RCOR1: variants seen among roughly 807,000 people sequenced by gnomAD.
The protein encoded by RCOR1 is REST corepressor.
RCOR1 carries 12 observed loss-of-function variants against 64.0 expected under a neutral mutation model. The observed-to-expected ratio is 0.19, with a 90% CI of 0.12 to 0.30. The LOEUF (loss-of-function observed/expected upper bound fraction) is 0.30. Among genes scored for constraint, RCOR1 ranks in the 10% least tolerant of loss-of-function variants. RCOR1 has a pLI of 1.00. For synonymous variants in RCOR1, 279 were observed against 227.2 expected, an observed-to-expected ratio of 1.23 and a Z score of -2.05; for missense variants, 502 against 621.2, an observed-to-expected ratio of 0.81 and a Z score of 2.04.
chr14:102,616,206 A>ATGTGTGTGTG (rs56991991), intron 2 of RCOR1, among the ~76,000 whole-genome samples: 9 of 149,264 alleles, frequency 6.0e-5, no homozygotes, highest in South Asian at 2.1e-4. Context: ...ACATGTGTAT[A>ATGTGTGTGTG]TGTGTGTGTG....
At chr14:102,602,398 T>G (rs1293498103) in intron 2 of RCOR1, among the ~76,000 whole-genome samples, 10 of 24,250 alleles carry the variant, frequency 4.1e-4, no homozygotes, top group Non-Finnish European at 1.1e-3. Flanking sequence ...TCTTTTCTTT[T>G]TTTTTTTTTT....
chr14:102,639,267 T>C (rs903447823), intron 2 of RCOR1, among the ~76,000 whole-genome samples: 1 of 58,428 alleles, frequency 1.7e-5, no homozygotes, highest in Non-Finnish European at 3.7e-5. Context: ...TTTCTTTCTT[T>C]TTTTTTTTTT....
intron 2 of RCOR1, among the ~76,000 whole-genome samples, chr14:102,638,071 G>A (rs547093288): frequency 6.6e-6 from 1 of 152,320 alleles, no homozygotes; most frequent in Non-Finnish European, 1.5e-5. Flanking sequence ...GATTTACCAT[G>A]TAAATGTGTT....
chr14:102,714,279 A>G, intron 7 of RCOR1, 144 bp from the exon 8 acceptor site: 1 of 504,866 alleles, frequency 2.0e-6, no homozygotes, highest in Non-Finnish European at 3.5e-6. Context: ...ACTGCCTGTT[A>G]GAATTTATAG....
At chr14:102,635,658 C>A (rs1211656348) in intron 2 of RCOR1, among the ~76,000 whole-genome samples, 1 of 152,012 alleles carries the variant, frequency 6.6e-6, no homozygotes, top group East Asian at 1.9e-4. Context: ...CAAGTTGACA[C>A]ATTTTTTTTT....
chr14:102,638,660 T>TTTTTC (rs149391607), intron 2 of RCOR1, among the ~76,000 whole-genome samples: 1 of 152,038 alleles, frequency 6.6e-6, no homozygotes, highest in East Asian at 1.9e-4. Context: ...GTAGTGTTTT[T>TTTTTC]TTTTCTTTTC....
chr14:102,617,716 A>G (rs897871573), intron 2 of RCOR1, among the ~76,000 whole-genome samples: 7 of 151,470 alleles, frequency 4.6e-5, no homozygotes, highest in Non-Finnish European at 8.8e-5. Context: ...CAGGCTCCCA[A>G]GTAGCTGGGA....
chr14:102,663,306 C>T (rs1894860254), intron 2 of RCOR1, among the ~76,000 whole-genome samples: 1 of 152,216 alleles, frequency 6.6e-6, no homozygotes, highest in Non-Finnish European at 1.5e-5. Flanking sequence ...ATGTCTTTAT[C>T]AGCATTGTGA....
chr14:102,670,123 A>G (rs1195296156), intron 2 of RCOR1, among the ~76,000 whole-genome samples: 2 of 152,000 alleles, frequency 1.3e-5, no homozygotes, highest in African/African-American at 2.4e-5. Flanking sequence ...ACTAATTTTT[A>G]TATTTTTAGT....
chr14:102,608,322 C>T (rs765330406), intron 2 of RCOR1, among the ~76,000 whole-genome samples: 4 of 152,154 alleles, frequency 2.6e-5, no homozygotes, highest in Non-Finnish European at 5.9e-5. Context: ...TCATGTCTGG[C>T]TTCTATCACT....
intron 2 of RCOR1, among the ~76,000 whole-genome samples, chr14:102,673,725 C>T (rs541147973): frequency 2.0e-5 from 3 of 152,262 alleles, no homozygotes; most frequent in East Asian, 3.9e-4. Context: ...AAGTGATTCT[C>T]CTGCCTCAGC....
intron 3 of RCOR1, among the ~76,000 whole-genome samples, chr14:102,691,492 G>C (rs1895532743): frequency 6.6e-6 from 1 of 152,216 alleles, no homozygotes; most frequent in Admixed American, 6.5e-5. Flanking sequence ...CTTATTCTTT[G>C]ACTTGGGTGT....
intron 2 of RCOR1, among the ~76,000 whole-genome samples, chr14:102,667,186 G>A (rs1264874822): frequency 6.6e-6 from 1 of 152,006 alleles, no homozygotes; most frequent in Non-Finnish European, 1.5e-5. Flanking sequence ...GACAAACAGG[G>A]CAAGACCTTG....
At position 102,655,401 on chromosome 14, in the gene RCOR1, A is replaced by G. The variant is rs1377795976; in HGVS notation, c.362-26494A>G. Reference sequence around the variant, plus strand: ...TTTTCCCTTTGTGAAGCTCATTGACATTCCTTCCTCTCAATACCTTAACTA... The same window carrying G: ...TTTTCCCTTTGTGAAGCTCATTGACGTTCCTTCCTCTCAATACCTTAACTA... On this transcript the variant is annotated intron_variant, in intron 2 of 11. Coordinates refer to ENST00000262241, the MANE Select transcript of RCOR1 (RefSeq NM_015156.4). 4.1e-6 allele frequency: 4 copies of G among 984,942 alleles called. No homozygotes were observed. In the African/African-American group the frequency reaches 5.2e-5, roughly 13 times the overall value. 61.0% of individuals were successfully genotyped at this position (984,942 alleles called of 1,614,324 possible).
At chr14:102,614,804 A>G (rs1314698542) in intron 2 of RCOR1, among the ~76,000 whole-genome samples, 1 of 152,142 alleles carries the variant, frequency 6.6e-6, no homozygotes, top group African/African-American at 2.4e-5. Context: ...AAAGCATATA[A>G]AAAACAAAAA....
At position 102,714,410 on chromosome 14, in the gene RCOR1, G is replaced by T; in HGVS notation, c.859-13G>T. 3 of 1,569,084 alleles carry T rather than the reference G, an allele frequency of 1.9e-6. No homozygotes were observed. The highest frequency in any genetic ancestry group is 2.6e-6 in the Non-Finnish European group (3 of 1,151,174). ...TTTTTAAGTTTCATTCATCACCTGTGTATATCATGCAGGTTCCCCCTACTG... is the reference window on the plus strand; with the variant it reads ...TTTTTAAGTTTCATTCATCACCTGTTTATATCATGCAGGTTCCCCCTACTG... On this transcript the variant is annotated splice_polypyrimidine_tract_variant and intron_variant, in intron 7 of 11. Coordinates refer to ENST00000262241, the MANE Select transcript of RCOR1 (RefSeq NM_015156.4).
intron 2 of RCOR1, among the ~76,000 whole-genome samples, chr14:102,596,751 G>C (rs1488611456): frequency 6.6e-6 from 1 of 151,940 alleles, no homozygotes; most frequent in Non-Finnish European, 1.5e-5. Flanking sequence ...TTTTATTAGA[G>C]ATGCGGTTTC....
Position 102,726,733 on chromosome 14 carries a change from C to T in RCOR1, c.*227C>T, listed in dbSNP as rs1433706454. The T allele has an allele frequency of 2.3e-5, 12 of 527,254 alleles. No homozygotes were observed. Among genetic ancestry groups the T allele is most frequent in the Admixed American group, 1.2e-4 (3 of 25,198 alleles). 32.7% of individuals were successfully genotyped at this position (527,254 alleles called of 1,614,324 possible). A position where few individuals can be genotyped will look rare whatever the true frequency, so the allele number is the denominator to read the frequency against. ...TCCACTGCATCTCACACTCTGCCCACGTGCTGGGGAAGTCTCACGGCCTGC... is the reference window on the plus strand; with the variant it reads ...TCCACTGCATCTCACACTCTGCCCATGTGCTGGGGAAGTCTCACGGCCTGC... On this transcript the variant is annotated 3_prime_UTR_variant, in exon 12 of 12. Transcript: ENST00000262241.
At chr14:102,615,477 T>G (rs1378363962) in intron 2 of RCOR1, among the ~76,000 whole-genome samples, 1 of 149,652 alleles carries the variant, frequency 6.7e-6, no homozygotes, top group South Asian at 2.2e-4. Context: ...AGATGGAGTT[T>G]CGCTCTTGTC....
Sources: gnomAD v4.1 joint callset for allele counts (sites outside exome capture counted in the v4.1 genomes callset) on GRCh38, gnomAD v4.1.1 for gene constraint, MANE v1.5 for transcripts, NCBI Gene and HGNC (gene_info 2026-07-23, HGNC 2026-07-21) for gene names.